MCUB: variants seen among roughly 807,000 people sequenced by gnomAD.
The protein encoded by MCUB is mitochondrial calcium uniporter dominant negative subunit beta, also known as calcium uniporter regulatory subunit MCUb, mitochondrial.
A neutral mutation model predicts 41.4 loss-of-function variants in MCUB; 46 were observed. The observed-to-expected ratio is 1.11, with a 90% CI of 0.88 to 1.42. MCUB has a LOEUF of 1.42. MCUB is among the 40% of genes most tolerant of loss of function. The pLI, the probability that MCUB is intolerant of heterozygous loss-of-function variation, is 0.00. For synonymous variants in MCUB, 148 were observed against 148.2 expected (o/e 1.00, Z 0.01); for missense variants, 403 against 404.9 (o/e 1.00, Z 0.04).
chr4:109,665,672 G>T (rs1277740259), intron 4 of MCUB, among the ~76,000 whole-genome samples: 1 of 152,054 alleles, frequency 6.6e-6, no homozygotes, highest in African/African-American at 2.4e-5. Context: ...TCATTTTGTT[G>T]TTGTTGTATT....
chr4:109,561,318 A>G (rs1438494875), intron 1 of MCUB, among the ~76,000 whole-genome samples: 1 of 152,198 alleles, frequency 6.6e-6, no homozygotes, highest in Non-Finnish European at 1.5e-5. Context: ...AAAGCCAAAA[A>G]GTAAGCAGTG....
At chr4:109,645,393 T>TTTTTTTTTTTTTTTTTTGAG (rs1561238847) in intron 1 of MCUB, among the ~76,000 whole-genome samples, 11 of 152,104 alleles carry the variant, frequency 7.2e-5, no homozygotes, top group African/African-American at 2.4e-4. Context: ...AACAGTTTCT[T>TTTTTTTTTTTTTTTTTTGAG]AACTGGCTTC....
At chr4:109,663,287 A>G (rs1246639805) in intron 3 of MCUB, among the ~76,000 whole-genome samples, 1 of 152,160 alleles carries the variant, frequency 6.6e-6, no homozygotes, top group African/African-American at 2.4e-5. Context: ...CCCAGCACCA[A>G]TTTTTTGCTT....
chr4:109,577,598 C>CTTTTTTTTTTTTTTTTTTTTTTTTTT (rs71594195), intron 1 of MCUB, among the ~76,000 whole-genome samples: 1 of 48,662 alleles, frequency 2.1e-5, no homozygotes, highest in African/African-American at 7.8e-5. Context: ...TACTTGAATT[C>CTTTTTTTTTTTTTTTTTTTTTTTTTT]TTTTTTTTTT....
At position 109,573,989 on chromosome 4, in the gene MCUB, C is replaced by T. The variant is rs150956908; in HGVS notation, c.99+13553C>T. ...CCAGGTTCAAGCTATTCTCCTGCCTCAGCCTCCCAAGAAGCTAGGATTACA... is the reference window on the plus strand; with the variant it reads ...CCAGGTTCAAGCTATTCTCCTGCCTTAGCCTCCCAAGAAGCTAGGATTACA... On this transcript the variant is annotated intron_variant, in intron 1 of 7. Transcript: ENST00000394650. Among the ~76,000 whole-genome samples, 610 of 150,508 alleles carry T rather than the reference C, an allele frequency of 4.1e-3. 4 individuals are homozygous for T. Among genetic ancestry groups the T allele is most frequent in the African/African-American group, 0.014 (566 of 40,826 alleles).
intron 1 of MCUB, among the ~76,000 whole-genome samples, chr4:109,624,305 A>G (rs1019762960): frequency 2.0e-5 from 3 of 152,220 alleles, no homozygotes; most frequent in Admixed American, 6.5e-5. Context: ...AAAGCACACT[A>G]TGCCAGGCAT....
chr4:109,608,899 A>T (rs1380930834), intron 1 of MCUB, among the ~76,000 whole-genome samples: 1 of 152,160 alleles, frequency 6.6e-6, no homozygotes, highest in Non-Finnish European at 1.5e-5. Context: ...GGGTGTTGTG[A>T]TCTAAGCAAT....
intron 4 of MCUB, among the ~76,000 whole-genome samples, chr4:109,679,937 G>GT (rs1729679244): frequency 2.0e-5 from 3 of 152,084 alleles, no homozygotes; most frequent in Non-Finnish European, 4.4e-5. Flanking sequence ...GAGTAGCTGG[G>GT]ACTACAGGTG....
At chr4:109,564,506 A>G (rs909726420) in intron 1 of MCUB, among the ~76,000 whole-genome samples, 1 of 152,126 alleles carries the variant, frequency 6.6e-6, no homozygotes, top group Non-Finnish European at 1.5e-5. Context: ...TCTTGCCCTC[A>G]AATCTATTCC....
intron 1 of MCUB, among the ~76,000 whole-genome samples, chr4:109,626,914 G>A (rs1728373642): frequency 6.7e-6 from 1 of 150,102 alleles, no homozygotes; most frequent in African/African-American, 2.5e-5. Context: ...GCTGCATTTT[G>A]TCACATTATA....
intron 4 of MCUB, among the ~76,000 whole-genome samples, chr4:109,667,373 A>G (rs1729367039): frequency 6.6e-6 from 1 of 151,996 alleles, no homozygotes; most frequent in African/African-American, 2.4e-5. Context: ...GTGGGCATAG[A>G]GTTGTTCATA....
At chr4:109,673,596 G>A (rs796810431) in intron 4 of MCUB, among the ~76,000 whole-genome samples, 39 of 152,292 alleles carry the variant, frequency 2.6e-4, no homozygotes, top group African/African-American at 9.4e-4. Flanking sequence ...AATCATACTG[G>A]ATTAACTGAA....
intron 1 of MCUB, among the ~76,000 whole-genome samples, chr4:109,637,479 A>C (rs953377382): frequency 6.6e-6 from 1 of 152,272 alleles, no homozygotes; most frequent in African/African-American, 2.4e-5. Context: ...TTGCAATTGC[A>C]AAACTATGGA....
At chr4:109,681,711 C>T (rs1338042220) in intron 4 of MCUB, among the ~76,000 whole-genome samples, 3 of 152,186 alleles carry the variant, frequency 2.0e-5, no homozygotes, top group Admixed American at 6.5e-5. Flanking sequence ...CGATCTGGAG[C>T]GGCAAAGGGG....
At chr4:109,560,884 C>T (rs1310202914) in intron 1 of MCUB, 1 of 154,836 alleles carries the variant, frequency 6.5e-6, no homozygotes, top group African/African-American at 2.4e-5. Context: ...GGGCAGTGAC[C>T]GTCCCGGGTG....
chr4:109,626,993 T>A (rs1447164583), intron 1 of MCUB, among the ~76,000 whole-genome samples: 1 of 152,124 alleles, frequency 6.6e-6, no homozygotes, highest in African/African-American at 2.4e-5. Context: ...TGTTCAACAT[T>A]AAGGGGTAAA....
chr4:109,597,560 T>C (rs1727598978), intron 1 of MCUB, among the ~76,000 whole-genome samples: 3 of 137,458 alleles, frequency 2.2e-5, no homozygotes, highest in Admixed American at 7.2e-5. Flanking sequence ...GCAGAGGGGC[T>C]CCTCACTTCC....
intron 1 of MCUB, among the ~76,000 whole-genome samples, chr4:109,599,813 C>T (rs547672672): frequency 3.3e-5 from 5 of 152,188 alleles, no homozygotes; most frequent in South Asian, 2.1e-4. Context: ...GGATTACAGG[C>T]GCCTACCACC....
intron 1 of MCUB, among the ~76,000 whole-genome samples, chr4:109,621,588 A>G (rs574191522): frequency 6.6e-6 from 1 of 152,352 alleles, no homozygotes; most frequent in African/African-American, 2.4e-5. Flanking sequence ...CTGAATTATC[A>G]TACCCTGAGA....
Sources: allele counts gnomAD v4.1 joint callset (sites outside exome capture counted in the v4.1 genomes callset), GRCh38; gene constraint gnomAD v4.1.1; transcripts MANE v1.5; gene names NCBI Gene and HGNC (gene_info 2026-07-23, HGNC 2026-07-21).